Variants in DLG2 observed in about 807,000 individuals in gnomAD.
DLG2 encodes the protein discs large MAGUK scaffold protein 2.
In DLG2, 45 loss-of-function variants were observed where a neutral mutation model predicts 132.5. The ratio of observed to expected loss-of-function variants is 0.34; its 90% CI spans 0.27 to 0.44. The LOEUF (loss-of-function observed/expected upper bound fraction) is 0.44, where lower values mean the gene tolerates loss of function less well. Ranked by LOEUF, DLG2 falls within the 20% of genes least tolerant of loss-of-function variation. The pLI, the probability that DLG2 is intolerant of heterozygous loss-of-function variation, is 1.00. For synonymous variants in DLG2, 424 were observed against 419.6 expected (o/e 1.01, Z -0.13); for missense variants, 1,045 against 1,196.9 (o/e 0.87, Z 1.87).
intron 6 of DLG2, among the ~76,000 whole-genome samples, chr11:84,747,120 T>C (rs1006395696): frequency 6.6e-6 from 1 of 152,084 alleles, no homozygotes; most frequent in African/African-American, 2.4e-5. Flanking sequence ...GGTTTTGTAG[T>C]TGAGGAATAA....
chr11:84,928,982 GTATATATATATATATATATA>G lies in DLG2; in HGVS notation c.357+182659_357+182678del, dbSNP rs58945482. Reference sequence around the variant, plus strand: ...TATGTGTGTGTGTGTGTGTGTGTGTGTATATATATATATATATATATATATATATATATATATATATATTA... The same window carrying G: ...TATGTGTGTGTGTGTGTGTGTGTGTGTATATATATATATATATATATATTA... On this transcript the variant is annotated intron_variant, in intron 6 of 27. Transcript: ENST00000376104. 7.3e-4 allele frequency among the ~76,000 whole-genome samples: 36 copies of G among 49,118 alleles called. 1 individual carries two copies. The highest frequency in any genetic ancestry group is 0.023 in the Middle Eastern group (2 of 86). 32.2% of individuals were successfully genotyped at this position (49,118 alleles called of 152,430 possible). A position where few individuals can be genotyped will look rare whatever the true frequency, so the allele number is the denominator to read the frequency against.
intron 6 of DLG2, chr11:84,545,635 A>G: frequency 3.2e-6 from 1 of 314,180 alleles, no homozygotes; most frequent in Non-Finnish European, 6.3e-6. Flanking sequence ...TCATAGAGTC[A>G]TGGTCCTTAA....
intron 3 of DLG2, among the ~76,000 whole-genome samples, chr11:85,475,149 A>C (rs2093102245): frequency 6.6e-6 from 1 of 151,718 alleles, no homozygotes. Context: ...TTAACCAAGT[A>C]CAATAAATAC....
At chr11:85,132,708 G>A (rs569253273) in intron 5 of DLG2, 2 of 456,382 alleles carry the variant, frequency 4.4e-6, no homozygotes, top group Non-Finnish European at 8.8e-6. Context: ...GTTTAATTAC[G>A]GGACCAGAAT....
chr11:85,373,162 A>G (rs1236711576), intron 3 of DLG2, among the ~76,000 whole-genome samples: 3 of 152,138 alleles, frequency 2.0e-5, no homozygotes. Context: ...GCCAAAGGGT[A>G]AAGCTTTTTT....
intron 6 of DLG2, among the ~76,000 whole-genome samples, chr11:85,004,763 C>T (rs1227420642): frequency 6.6e-6 from 1 of 152,020 alleles, no homozygotes; most frequent in Non-Finnish European, 1.5e-5. Context: ...GCTTTTATTG[C>T]CATTGCTTGT....
chr11:84,862,363 C>T (rs2083842843), intron 6 of DLG2, among the ~76,000 whole-genome samples: 1 of 152,020 alleles, frequency 6.6e-6, no homozygotes, highest in African/African-American at 2.4e-5. Flanking sequence ...TGCTTTTACA[C>T]TGTTGGTGGG....
intron 7 of DLG2, among the ~76,000 whole-genome samples, chr11:84,396,436 A>C (rs1298059694): frequency 6.6e-6 from 1 of 152,226 alleles, no homozygotes; most frequent in African/African-American, 2.4e-5. Flanking sequence ...TTTCCATAAG[A>C]AACATCATGT....
At chr11:83,683,199 T>G in intron 18 of DLG2, among the ~76,000 whole-genome samples, 1 of 152,202 alleles carries the variant, frequency 6.6e-6, no homozygotes, top group East Asian at 1.9e-4. Context: ...TAATAATAGC[T>G]AATATCTATT....
chr11:84,589,433 A>G (rs1282381431), intron 6 of DLG2, among the ~76,000 whole-genome samples: 1 of 152,190 alleles, frequency 6.6e-6, no homozygotes, highest in East Asian at 1.9e-4. Flanking sequence ...CAGTCACTCT[A>G]GAAGCTCAAT....
At chr11:85,530,933 C>A (rs913165101) in intron 3 of DLG2, among the ~76,000 whole-genome samples, 1 of 152,210 alleles carries the variant, frequency 6.6e-6, no homozygotes, top group African/African-American at 2.4e-5. Context: ...ATTTCCTGAA[C>A]TTGAGCAGGA....
chr11:85,529,987 G>GT (rs59507021), intron 3 of DLG2, among the ~76,000 whole-genome samples: 7,974 of 113,078 alleles, frequency 0.071, 413 homozygotes, highest in South Asian at 0.11. Flanking sequence ...GAGAGGGTTT[G>GT]TTTTTTTTTT....
At chr11:85,399,416 A>G (rs1484560729) in intron 3 of DLG2, among the ~76,000 whole-genome samples, 1 of 152,196 alleles carries the variant, frequency 6.6e-6, no homozygotes, top group Non-Finnish European at 1.5e-5. Flanking sequence ...TCTTCACAGA[A>G]TTGGAAAAAA....
intron 3 of DLG2, among the ~76,000 whole-genome samples, chr11:85,432,813 G>A (rs982059455): frequency 5.9e-5 from 9 of 152,034 alleles, no homozygotes; most frequent in Admixed American, 2.6e-4. Flanking sequence ...AGGAAATACA[G>A]AGAAACTGAC....
At chr11:84,943,544 C>T (rs2049777783) in intron 6 of DLG2, among the ~76,000 whole-genome samples, 1 of 151,970 alleles carries the variant, frequency 6.6e-6, no homozygotes, top group Non-Finnish European at 1.5e-5. Flanking sequence ...GCAAATAATG[C>T]CTCGTAACAT....
intron 3 of DLG2, among the ~76,000 whole-genome samples, chr11:85,524,654 G>A (rs775308571): frequency 6.6e-6 from 1 of 151,956 alleles, no homozygotes; most frequent in South Asian, 2.1e-4. Context: ...TGCCACATTC[G>A]ACTAATTTTG....
chr11:85,490,136 T>A (rs910517047), intron 3 of DLG2, among the ~76,000 whole-genome samples: 2 of 151,998 alleles, frequency 1.3e-5, no homozygotes, highest in African/African-American at 2.4e-5. Flanking sequence ...TGCAGTAAGC[T>A]ATAATCATGC....
intron 4 of DLG2, among the ~76,000 whole-genome samples, chr11:85,205,513 T>G (rs536853560): frequency 6.6e-6 from 1 of 152,268 alleles, no homozygotes; most frequent in African/African-American, 2.4e-5. Flanking sequence ...TCATTGTGTA[T>G]GTATGTCAGA....
chr11:84,733,003 G>C (rs1297339388), intron 6 of DLG2, among the ~76,000 whole-genome samples: 1 of 152,236 alleles, frequency 6.6e-6, no homozygotes, highest in East Asian at 1.9e-4. Context: ...GTATTCCATG[G>C]TGTATATGTG....
Sources: gnomAD v4.1 joint callset for allele counts (sites outside exome capture counted in the v4.1 genomes callset) on GRCh38, gnomAD v4.1.1 for gene constraint, MANE v1.5 for transcripts, NCBI Gene and HGNC (gene_info 2026-07-23, HGNC 2026-07-21) for gene names.